The following HMX1 variants were observed in gnomAD, a reference collection of about 807,000 sequenced individuals.
HMX1 encodes H6 family homeobox 1.
A neutral mutation model predicts 8.9 loss-of-function variants in HMX1; 8 were observed. The observed-to-expected ratio is 0.90, with a 90% CI of 0.53 to 1.63. The LOEUF is 1.63. Among genes scored for constraint, HMX1 ranks in the 40% most tolerant of loss-of-function variants. The probability of loss-of-function intolerance (pLI) is 0.00; values close to 1 mark genes in which losing one functional copy is unlikely to be tolerated. For missense variants in HMX1, 621 were observed against 558.5 expected, an observed-to-expected ratio of 1.11 and a Z score of -1.13; for synonymous variants, 311 against 283.4, an observed-to-expected ratio of 1.10 and a Z score of -0.98.
chr4:8,860,972 C>CGGGGGA (rs1721789140), intron 1 of HMX1: 1 of 23,994 alleles, frequency 4.2e-5, no homozygotes, highest in Non-Finnish European at 8.8e-5. Context: ...GGGGCGAGGG[C>CGGGGGA]GGGGGAGGGG....
At chr4:8,861,585 G>T (rs1214153491) in intron 1 of HMX1, among the ~76,000 whole-genome samples, 2 of 152,172 alleles carry the variant, frequency 1.3e-5, no homozygotes, top group East Asian at 3.9e-4. Flanking sequence ...AGGCGAAGGG[G>T]ACCGCGGAGC....
intron 1 of HMX1, among the ~76,000 whole-genome samples, chr4:8,861,042 T>G (rs1721793235): frequency 2.0e-5 from 3 of 148,956 alleles, no homozygotes; most frequent in Non-Finnish European, 3.0e-5. Flanking sequence ...GCTGGGAAGG[T>G]CCCGGGCGGC....
chr4:8,856,828 C>T (rs971038268), intron 1 of HMX1, among the ~76,000 whole-genome samples: 1 of 152,218 alleles, frequency 6.6e-6, no homozygotes. Flanking sequence ...GTGGCTCAAG[C>T]CTGTAATCCC....
In HMX1 at chr4:8,871,535, G is replaced by A; in HGVS notation, c.80C>T (p.Ala27Val). 1.5e-6 allele frequency: 2 copies of A among 1,359,304 alleles called. No individual in the cohort carries two copies. Among genetic ancestry groups the A allele is most frequent in the South Asian group, 1.6e-5 (1 of 62,756 alleles). 84.2% of individuals were successfully genotyped at this position (1,359,304 alleles called of 1,614,324 possible). Reference protein sequence around the residue: ...SSFLIENLLAAEAKGAGRATQ... With the variant: ...SSFLIENLLAVEAKGAGRATQ... ...CGCGCGCCCTGCGCCCTTGGCCTCG[G>A]CCGCCAGCAGGTTCTCGATGAGGAA... Residue 27 changes from alanine (A) to valine (V), a missense_variant, in exon 1 of 2, where the codon GCC (alanine) becomes GTC (valine). Transcript: ENST00000400677. This position sits in a 1 kb window ranked among gnomAD's most constrained non-coding sequence, Gnocchi z 4.8.
downstream of HMX1, among the ~76,000 whole-genome samples, chr4:8,865,934 G>T (rs1721982426): frequency 6.6e-6 from 1 of 152,230 alleles, no homozygotes; most frequent in South Asian, 2.1e-4. Context: ...CCTGCAGGGT[G>T]GGGACTGGGT....
At chr4:8,857,355 T>C (rs745354539) in intron 1 of HMX1, among the ~76,000 whole-genome samples, 5 of 152,154 alleles carry the variant, frequency 3.3e-5, no homozygotes, top group Admixed American at 6.5e-5. Context: ...GGAGTGGCAT[T>C]CTTGTTGCCC....
chr4:8,855,257 C>T (rs949751687), intron 1 of HMX1, among the ~76,000 whole-genome samples: 10 of 152,258 alleles, frequency 6.6e-5, no homozygotes, highest in Admixed American at 2.6e-4. Context: ...GCAAGGCTGA[C>T]CTCCACTGTG....
At position 8,847,374 on chromosome 4, in the gene HMX1, G is replaced by A. The variant is rs867479444; in HGVS notation, c.395-1050C>T. ...TAAGAATTCCTGGTTCACACCAGGA[G>A]GAGCAAGATGTTTCTGGGAACGTGG... On this transcript the variant is annotated intron_variant, in intron 1 of 1. Transcript: ENST00000506970. The surrounding 1 kb of genome is among the most constrained non-coding windows in gnomAD (Gnocchi z 6.0). Among the ~76,000 whole-genome samples the A allele has an allele frequency of 7.9e-5, 12 of 152,326 alleles. No homozygotes were observed. The highest frequency in any genetic ancestry group is 2.6e-4 in the African/African-American group (11 of 41,576).
downstream of HMX1, among the ~76,000 whole-genome samples, chr4:8,862,114 A>G (rs1207938522): frequency 6.6e-6 from 1 of 152,242 alleles, no homozygotes; most frequent in African/African-American, 2.4e-5. Context: ...GGGCACCACG[A>G]CCAGTGGAGA....
intron 1 of HMX1, among the ~76,000 whole-genome samples, chr4:8,861,296 G>C (rs1205563519): frequency 1.3e-5 from 2 of 152,156 alleles, no homozygotes; most frequent in Admixed American, 1.3e-4. Context: ...GCCCGACCGG[G>C]CGACGCGGGG....
downstream of HMX1, among the ~76,000 whole-genome samples, chr4:8,862,637 C>G (rs531526647): frequency 1.3e-5 from 2 of 152,272 alleles, no homozygotes; most frequent in Admixed American, 1.3e-4. Context: ...AGTTACAATT[C>G]CCAGTAAATC....
At chr4:8,860,989 C>G (rs1391698895) in intron 1 of HMX1, among the ~76,000 whole-genome samples, 2 of 143,486 alleles carry the variant, frequency 1.4e-5, no homozygotes, top group African/African-American at 2.8e-5. Context: ...GGGGGCGGGG[C>G]CGGAACCGCG....
At chr4:8,869,803 G>A (rs1020244968) in intron 1 of HMX1, among the ~76,000 whole-genome samples, 38 of 152,192 alleles carry the variant, frequency 2.5e-4, no homozygotes, top group Admixed American at 1.8e-3. Context: ...ACCCTAACCC[G>A]CATGGCACGA....
chr4:8,870,178 A>T lies in HMX1; in HGVS notation c.394+1043T>A, dbSNP rs1452775943. Among the ~76,000 whole-genome samples, 1 of 150,886 alleles carries T rather than the reference A, an allele frequency of 6.6e-6. No homozygotes were observed. Among genetic ancestry groups the T allele is most frequent in the Admixed American group, 6.6e-5 (1 of 15,162 alleles). The stretch of plus-strand genomic sequence containing the variant: ...TGGATCCCAGAGCCGGAGCCTGCAG[A>T]GGGCCCACGTCCTCAGCTGGCCTCA... On this transcript the variant is annotated intron_variant, in intron 1 of 1. Transcript: ENST00000400677. The surrounding 1 kb of genome is among the most constrained non-coding windows in gnomAD (Gnocchi z 4.4).
Position 8,868,263 on chromosome 4 carries a change from C to T in HMX1, c.477G>A (p.Ala159=), listed in dbSNP as rs1427347282. The T allele has an allele frequency of 6.9e-7, 1 of 1,440,750 alleles. No homozygotes were observed. Among genetic ancestry groups the T allele is most frequent in the Non-Finnish European group, 9.1e-7 (1 of 1,103,730 alleles). The allele number at this position is 1,440,750 out of a possible 1,614,324, so 89.2% of individuals were successfully genotyped here. Residue 159 remains alanine (A), a synonymous_variant, in exon 2 of 2, where the codon GCG becomes GCA. Coordinates refer to ENST00000400677, the MANE Select transcript of HMX1 (RefSeq NM_018942.3). This position sits in a 1 kb window ranked among gnomAD's most constrained non-coding sequence, Gnocchi z 4.6. ...CCAGCTCCGCTGCCTCCCGCTGCAC[C>T]GCTCCCGGCCCGGGGCCTCGCGGCC... ...GAWPRGPGPG[A]VQREAAELAA...
intron 1 of HMX1, among the ~76,000 whole-genome samples, chr4:8,852,974 C>A (rs1273634264): frequency 6.6e-6 from 1 of 151,614 alleles, no homozygotes; most frequent in East Asian, 1.9e-4. Context: ...GAAACTTATC[C>A]ACTAAGGATG....
At chr4:8,864,159 C>G (rs1386165665), downstream of HMX1, among the ~76,000 whole-genome samples, 1 of 152,208 alleles carries the variant, frequency 6.6e-6, no homozygotes, top group Admixed American at 6.5e-5. Context: ...TCCTGTTGGC[C>G]TCACTCAAAT....
At chr4:8,864,676 C>G (rs1398294028), downstream of HMX1, among the ~76,000 whole-genome samples, 1 of 152,166 alleles carries the variant, frequency 6.6e-6, no homozygotes, top group Non-Finnish European at 1.5e-5. Context: ...GGTGCCAGCC[C>G]CAAGACGCCA....
intron 1 of HMX1, among the ~76,000 whole-genome samples, chr4:8,860,128 T>G (rs139860701): frequency 0.028 from 4,300 of 152,338 alleles, 204 homozygotes; most frequent in African/African-American, 0.099. Flanking sequence ...AGGGCCCTGG[T>G]GCCTGGACAC....
Sources: allele counts gnomAD v4.1 joint callset (sites outside exome capture counted in the v4.1 genomes callset), GRCh38; gene constraint gnomAD v4.1.1; non-coding constraint Gnocchi (gnomAD v3.1); transcripts MANE v1.5; gene names NCBI Gene and HGNC (gene_info 2026-07-23, HGNC 2026-07-21).